STAT5B: variants seen among roughly 807,000 people sequenced by gnomAD.
STAT5B encodes signal transducer and activator of transcription 5B.
A neutral mutation model predicts 107.8 loss-of-function variants in STAT5B; 21 were observed. The observed-to-expected ratio is 0.19, with a 90% confidence interval of 0.14 to 0.28. STAT5B has a LOEUF of 0.28. Among genes scored for constraint, STAT5B ranks in the 10% least tolerant of loss-of-function variants. STAT5B has a pLI of 1.00. For synonymous variants in STAT5B, 325 were observed against 401.7 expected, an observed-to-expected ratio of 0.81 and a Z score of 2.28; for missense variants, 565 against 1,008.2, an observed-to-expected ratio of 0.56 and a Z score of 5.95.
chr17:42,266,793 A>G (rs2080676852), intron 1 of STAT5B, among the ~76,000 whole-genome samples: 1 of 152,200 alleles, frequency 6.6e-6, no homozygotes, highest in Non-Finnish European at 1.5e-5. Flanking sequence ...AATTGTAGCC[A>G]TGCCACTCAG....
intron 12 of STAT5B, 74 bp downstream of exon 12, chr17:42,215,940 A>C: frequency 1.3e-6 from 2 of 1,522,260 alleles, no homozygotes; most frequent in South Asian, 2.3e-5. Context: ...TGCTTTTTAA[A>C]AGGATAATAC....
At chr17:42,268,391 C>T (rs2080692799) in intron 1 of STAT5B, among the ~76,000 whole-genome samples, 1 of 152,140 alleles carries the variant, frequency 6.6e-6, no homozygotes. Flanking sequence ...TGCAGTAGGG[C>T]TCACCATCTA....
chr17:42,281,748 G>T, the STAT5B span, among the ~76,000 whole-genome samples: 1 of 152,184 alleles, frequency 6.6e-6, no homozygotes, highest in East Asian at 1.9e-4. Flanking sequence ...AGAGCTAAAG[G>T]CTAAAGGGTG....
chr17:42,249,370 G>C (rs182713694), intron 1 of STAT5B, among the ~76,000 whole-genome samples: 1 of 152,108 alleles, frequency 6.6e-6, no homozygotes, highest in Non-Finnish European at 1.5e-5. Context: ...TCCAGCCTGG[G>C]CAACAGAGTG....
Position 42,224,767 on chromosome 17 carries a change from T to A in STAT5B, c.375+12A>T. The A allele has an allele frequency of 1.9e-6, 3 of 1,613,518 alleles. No homozygotes were observed. The highest frequency in any genetic ancestry group is 2.5e-6 in the Non-Finnish European group (3 of 1,179,566). On this transcript the variant is annotated intron_variant, in intron 4 of 18. Transcript: ENST00000293328. ...TTCCCGACTGCCCTCCCCATCCCTA[T>A]GGGACACTCACATTGTTGGCTTCTC...
the STAT5B span, among the ~76,000 whole-genome samples, chr17:42,285,935 G>A: frequency 1.3e-5 from 2 of 152,098 alleles, no homozygotes; most frequent in Non-Finnish European, 2.9e-5. Flanking sequence ...AAGCCAGAGT[G>A]GGGGCCGGGC....
rs1406818122 is a variant in STAT5B at position 42,201,964 on chromosome 17, G to A, written c.2238-100C>T. On this transcript the variant is annotated intron_variant, in intron 18 of 18. Transcript: ENST00000293328. ...AGGGGAGCAGTCTGAGCCAGCCTATGCCCTCAGCCTGGGGCTTCATGGGAA... is the reference window on the plus strand; with the variant it reads ...AGGGGAGCAGTCTGAGCCAGCCTATACCCTCAGCCTGGGGCTTCATGGGAA... The A allele has an allele frequency of 3.5e-6, 4 of 1,155,214 alleles. No homozygotes were observed. The East Asian group carries it at 9.9e-5, about 29-fold the overall frequency. The allele number at this position is 1,155,214 out of a possible 1,614,324, so 71.6% of individuals were successfully genotyped here. A position where few individuals can be genotyped will look rare whatever the true frequency, so the allele number is the denominator to read the frequency against.
At position 42,210,688 on chromosome 17, in the gene STAT5B, C is replaced by T. The variant is rs1365424138; in HGVS notation, c.1681-191G>A. ...AAAAGAGGGAAGAAGGGGAAAATAC[C>T]AAACTGCAGTTACCAGCACCCAGTG... On this transcript the variant is annotated intron_variant, in intron 13 of 18. Transcript: ENST00000293328. 18 of 624,204 alleles carry T rather than the reference C, an allele frequency of 2.9e-5. No homozygotes were observed. The Admixed American group carries it at 4.1e-4, about 14-fold the overall frequency. 38.7% of individuals were successfully genotyped at this position (624,204 alleles called of 1,614,324 possible).
intron 1 of STAT5B, among the ~76,000 whole-genome samples, chr17:42,262,934 G>A (rs7225401): frequency 0.014 from 523 of 36,758 alleles, 20 homozygotes; most frequent in African/African-American, 0.038. Flanking sequence ...ATATATATAT[G>A]TATATATATG....
chr17:42,242,595 TC>T (rs1015123610), intron 1 of STAT5B, among the ~76,000 whole-genome samples: 2 of 71,740 alleles, frequency 2.8e-5, no homozygotes, highest in African/African-American at 1.1e-4. Context: ...TAATCAATGA[TC>T]CCACCCCCCA....
rs373541358 is a variant in STAT5B at position 42,261,409 on chromosome 17, T to A, written c.-11+14839A>T. ...CATTTTAATTAACTACTTTATGGATTTAGGTTTTAAAAGCACTAAAAAGTA... is the reference window on the plus strand; with the variant it reads ...CATTTTAATTAACTACTTTATGGATATAGGTTTTAAAAGCACTAAAAAGTA... On this transcript the variant is annotated intron_variant, in intron 1 of 18. Coordinates refer to ENST00000293328, the MANE Select transcript of STAT5B (RefSeq NM_012448.4). 1.4e-4 allele frequency among the ~76,000 whole-genome samples: 22 copies of A among 152,302 alleles called. No individual in the cohort carries two copies. In the East Asian group the frequency reaches 3.7e-3, roughly 25 times the overall value.
intron 2 of STAT5B, among the ~76,000 whole-genome samples, chr17:42,228,941 A>G (rs901704328): frequency 1.3e-5 from 2 of 152,230 alleles, no homozygotes; most frequent in Non-Finnish European, 2.9e-5. Context: ...CTACGAAAAC[A>G]TAACAAAACA....
chr17:42,212,960 T>C (rs571079521), intron 12 of STAT5B, among the ~76,000 whole-genome samples: 20 of 152,232 alleles, frequency 1.3e-4, no homozygotes, highest in Non-Finnish European at 2.4e-4. Context: ...ATGCCAGCAA[T>C]GACATATACC....
chr17:42,278,130 G>C (rs2080779140), upstream of STAT5B, among the ~76,000 whole-genome samples: 2 of 152,114 alleles, frequency 1.3e-5, no homozygotes, highest in Admixed American at 1.3e-4. Flanking sequence ...CTGCCTTCTT[G>C]ATGTCTGCCC....
At chr17:42,274,910 G>C (rs2080752614) in intron 1 of STAT5B, 1 of 152,178 alleles carries the variant, frequency 6.6e-6, no homozygotes, top group Non-Finnish European at 1.5e-5. Context: ...GATCCAAGCA[G>C]ACCATAAACA....
chr17:42,211,395 A>T (rs1048165369), intron 13 of STAT5B, among the ~76,000 whole-genome samples: 3 of 151,862 alleles, frequency 2.0e-5, no homozygotes, highest in African/African-American at 7.3e-5. Flanking sequence ...AATCCCAGCT[A>T]CTCGGGAGGC....
chr17:42,260,917 C>CTTTTTTTTTTTTTTTTTTTTTATTT, intron 1 of STAT5B, among the ~76,000 whole-genome samples: 1 of 141,916 alleles, frequency 7.0e-6, no homozygotes, highest in Non-Finnish European at 1.5e-5. Flanking sequence ...TATGTCTTAC[C>CTTTTTTTTTTTTTTTTTTTTTATTT]TTTTTTTTTT....
intron 1 of STAT5B, among the ~76,000 whole-genome samples, chr17:42,250,472 C>A (rs1187872107): frequency 6.6e-6 from 1 of 152,062 alleles, no homozygotes; most frequent in Non-Finnish European, 1.5e-5. Context: ...CATCACCAAA[C>A]CTTAAATAAT....
intron 11 of STAT5B, among the ~76,000 whole-genome samples, chr17:42,216,828 C>T (rs2080175932): frequency 6.6e-6 from 1 of 151,866 alleles, no homozygotes; most frequent in African/African-American, 2.4e-5. Context: ...TAGGCACGTG[C>T]CACCACGCCT....
Sources: allele counts gnomAD v4.1 joint callset (sites outside exome capture counted in the v4.1 genomes callset), GRCh38; gene constraint gnomAD v4.1.1; transcripts MANE v1.5; gene names NCBI Gene and HGNC (gene_info 2026-07-23, HGNC 2026-07-21).